The following CLSTN1 variants were observed in gnomAD, a reference collection of about 807,000 sequenced individuals.
The protein encoded by CLSTN1 is calsyntenin-1.
A neutral mutation model predicts 108.3 loss-of-function variants in CLSTN1; 28 were observed. That is an observed-to-expected ratio of 0.26 (90% CI 0.19 to 0.35). CLSTN1 has a LOEUF of 0.35. CLSTN1 is among the 10% of genes least tolerant of loss of function. CLSTN1 has a pLI of 1.00. For missense variants in CLSTN1, 1,157 were observed against 1,302.6 expected, an observed-to-expected ratio of 0.89 and a Z score of 1.72; for synonymous variants, 524 against 534.9, an observed-to-expected ratio of 0.98 and a Z score of 0.28.
intron 1 of CLSTN1, among the ~76,000 whole-genome samples, chr1:9,810,581 G>C (rs1393102585): frequency 1.3e-5 from 2 of 150,512 alleles, no homozygotes; most frequent in South Asian, 2.1e-4. Flanking sequence ...TCGAGACCAG[G>C]CTGGCCAACA....
rs912980570 is a variant in CLSTN1 at position 9,729,750 on chromosome 1, G to A, written c.*758C>T. 1 of 152,446 alleles carries A rather than the reference G, an allele frequency of 6.6e-6. No homozygotes were observed. The highest frequency in any genetic ancestry group is 1.5e-5 in the Non-Finnish European group (1 of 68,238). 9.4% of individuals were successfully genotyped at this position (152,446 alleles called of 1,614,324 possible). On this transcript the variant is annotated 3_prime_UTR_variant, in exon 19 of 19. Coordinates refer to ENST00000377298, the MANE Select transcript of CLSTN1 (RefSeq NM_001009566.3). ...ATTAGGAACAGGTAGAATCCCAAAGGCAAGGCCCGGCCACTTGTAGCTACC... is the reference window on the plus strand; with the variant it reads ...ATTAGGAACAGGTAGAATCCCAAAGACAAGGCCCGGCCACTTGTAGCTACC...
chr1:9,807,116 G>A (rs544358254), intron 1 of CLSTN1, among the ~76,000 whole-genome samples: 121 of 152,040 alleles, frequency 8.0e-4, no homozygotes, highest in Non-Finnish European at 1.3e-3. Flanking sequence ...TTTTACCCCC[G>A]GCTCAGCAAT....
Position 9,773,169 on chromosome 1 carries a change from T to G in CLSTN1, c.214+103A>C, listed in dbSNP as rs1029827883. 4.7e-6 allele frequency: 7 copies of G among 1,478,802 alleles called. No individual in the cohort carries two copies. In the African/African-American group the frequency reaches 9.7e-5, roughly 21 times the overall value. The allele number at this position is 1,478,802 out of a possible 1,614,324, so 91.6% of individuals were successfully genotyped here. A position where few individuals can be genotyped will look rare whatever the true frequency, so the allele number is the denominator to read the frequency against. On this transcript the variant is annotated intron_variant, in intron 2 of 18. Coordinates refer to ENST00000377298, the MANE Select transcript of CLSTN1 (RefSeq NM_001009566.3). ...GGACGCTACAAATAACCCTCAGCTA[T>G]GGAGACATTTTCAGAAACGCTCAGC... is the stretch of plus-strand genomic sequence containing the variant.
At chr1:9,824,003 C>T (rs1284178148), upstream of CLSTN1, 1 of 141,294 alleles carries the variant, frequency 7.1e-6, no homozygotes, top group Non-Finnish European at 1.5e-5. The surrounding 1 kb of genome is among the most constrained non-coding windows in gnomAD (Gnocchi z 5.0). Flanking sequence ...CGAGGGTACC[C>T]GGCCGGGGGC....
intron 4 of CLSTN1, among the ~76,000 whole-genome samples, chr1:9,754,427 C>T (rs942431039): frequency 5.9e-5 from 9 of 151,860 alleles, no homozygotes; most frequent in Admixed American, 5.2e-4. Context: ...GGCGTGGTGG[C>T]AGGCACCTGT....
chr1:9,761,459 C>CTCCA (rs1161568385), intron 2 of CLSTN1, among the ~76,000 whole-genome samples: 1 of 152,168 alleles, frequency 6.6e-6, no homozygotes, highest in African/African-American at 2.4e-5. Flanking sequence ...TGCCACTGCA[C>CTCCA]TCCAGCCTCT....
At chr1:9,737,206 T>A (rs1454329411) in intron 11 of CLSTN1, among the ~76,000 whole-genome samples, 1 of 152,058 alleles carries the variant, frequency 6.6e-6, no homozygotes. Context: ...ACCCTGCCTG[T>A]AAGACTGAAA....
At chr1:9,744,279 A>G (rs1651135807) in intron 8 of CLSTN1, 116 bp downstream of exon 8, 1 of 1,422,440 alleles carries the variant, frequency 7.0e-7, no homozygotes, top group East Asian at 2.3e-5. Flanking sequence ...AGCATGGCAC[A>G]TGGCCTACGA....
At chr1:9,779,380 C>T (rs1011411389) in intron 1 of CLSTN1, among the ~76,000 whole-genome samples, 5 of 152,110 alleles carry the variant, frequency 3.3e-5, no homozygotes, top group African/African-American at 1.2e-4. Flanking sequence ...CAAGACCAGC[C>T]TGGCCAACAT....
chr1:9,812,899 T>G (rs1035626660), intron 1 of CLSTN1, among the ~76,000 whole-genome samples: 2 of 148,900 alleles, frequency 1.3e-5, no homozygotes, highest in African/African-American at 5.0e-5. Context: ...GTGAGGTAGC[T>G]CAGCCCATAA....
At chr1:9,736,526 A>G (rs1459027068) in intron 11 of CLSTN1, among the ~76,000 whole-genome samples, 1 of 152,176 alleles carries the variant, frequency 6.6e-6, no homozygotes, top group Non-Finnish European at 1.5e-5. Flanking sequence ...GGAACGGCCT[A>G]TTTCAAGGAT....
chr1:9,751,378 T>C (rs1185264453), intron 5 of CLSTN1, 95 bp downstream of exon 5: 2 of 1,197,900 alleles, frequency 1.7e-6, no homozygotes, highest in African/African-American at 3.0e-5. Flanking sequence ...GTGAGTTCCA[T>C]GAAGTTCTGA....
At chr1:9,807,212 C>T (rs147902921) in intron 1 of CLSTN1, among the ~76,000 whole-genome samples, 1 of 152,106 alleles carries the variant, frequency 6.6e-6, no homozygotes, top group East Asian at 1.9e-4. Context: ...CTTACATGAC[C>T]GAGACCTCAT....
chr1:9,768,944 G>A, intron 2 of CLSTN1, among the ~76,000 whole-genome samples: 1 of 144,680 alleles, frequency 6.9e-6, no homozygotes, highest in Non-Finnish European at 1.5e-5. Context: ...AAAGAGGGAG[G>A]GAGGGAGGGA....
Position 9,823,679 on chromosome 1 carries a change from CGGCCAGCAG to C in CLSTN1, c.46_54del (p.Leu16_Ala18del). On this transcript the variant is annotated inframe_deletion, in exon 1 of 19. Transcript: ENST00000377298. This position sits in a 1 kb window ranked among gnomAD's most constrained non-coding sequence, Gnocchi z 6.3. Reference sequence around the variant, plus strand: ...CAGACCCCGCCGCCGCACAGCAGCCCGGCCAGCAGCAGCCGGGCGGCCGGGGCCAGCGCG... The same window carrying C: ...CAGACCCCGCCGCCGCACAGCAGCCCCAGCCGGGCGGCCGGGGCCAGCGCG... 8.5e-7 allele frequency: 1 copy of C among 1,170,192 alleles called. No individual in the cohort carries two copies. The allele number at this position is 1,170,192 out of a possible 1,614,324, so 72.5% of individuals were successfully genotyped here.
At chr1:9,751,401 G>T in intron 5 of CLSTN1, 72 bp downstream of exon 5, 1 of 1,429,306 alleles carries the variant, frequency 7.0e-7, no homozygotes, top group Non-Finnish European at 9.8e-7. Context: ...AAGCACAGAA[G>T]CTGGGGTGTA....
Position 9,823,524 on chromosome 1 carries a change from T to A in CLSTN1, c.91+119A>T. 9.2e-6 allele frequency: 5 copies of A among 542,396 alleles called. No individual in the cohort carries two copies. The highest frequency in any genetic ancestry group is 1.2e-5 in the Non-Finnish European group (5 of 409,606). The allele number at this position is 542,396 out of a possible 1,614,324, so 33.6% of individuals were successfully genotyped here. A position where few individuals can be genotyped will look rare whatever the true frequency, so the allele number is the denominator to read the frequency against. On this transcript the variant is annotated intron_variant, in intron 1 of 18. Coordinates refer to ENST00000377298, the MANE Select transcript of CLSTN1 (RefSeq NM_001009566.3). This position sits in a 1 kb window ranked among gnomAD's most constrained non-coding sequence, Gnocchi z 6.3. ...CCGACTCCCCGCATCCCGGCTCGAA[T>A]CCCGGCATCCGGCCCTACTCCCGCA...
rs1651110738 is a variant in CLSTN1 at position 9,743,873 on chromosome 1, AATTC to A, written c.1356+7_1356+10del. The stretch of plus-strand genomic sequence containing the variant: ...TGCCCGGCCCTATTAGTGCGTTTTC[AATTC>A]ACTCACCTGATTCAACTTCCAGTGG... On this transcript the variant is annotated splice_region_variant and intron_variant, in intron 9 of 18. Transcript: ENST00000377298. 1 of 1,613,518 alleles carries A rather than the reference AATTC, an allele frequency of 6.2e-7. No homozygotes were observed. The highest frequency in any genetic ancestry group is 1.3e-5 in the African/African-American group (1 of 74,830).
intron 7 of CLSTN1, among the ~76,000 whole-genome samples, chr1:9,747,637 T>C (rs995555624): frequency 3.9e-5 from 6 of 151,960 alleles, no homozygotes; most frequent in Non-Finnish European, 8.8e-5. Flanking sequence ...GCTGGGAGTA[T>C]AGGCACCTCG....
Sources: allele counts gnomAD v4.1 joint callset (sites outside exome capture counted in the v4.1 genomes callset), GRCh38; gene constraint gnomAD v4.1.1; non-coding constraint Gnocchi (gnomAD v3.1); transcripts MANE v1.5; gene names NCBI Gene and HGNC (gene_info 2026-07-23, HGNC 2026-07-21).